MSI2: variants seen among roughly 807,000 people sequenced by gnomAD.
MSI2 encodes RNA-binding protein Musashi homolog 2.
Under a neutral mutation model 45.6 loss-of-function variants are expected in MSI2, and 17 were observed. That is an observed-to-expected ratio of 0.37 (90% CI 0.26 to 0.56). MSI2 has a LOEUF of 0.56. MSI2 is among the 20% of genes least tolerant of loss of function. MSI2 has a pLI of 0.77. For missense variants in MSI2, 293 were observed against 444.2 expected (o/e 0.66, Z 3.06); for synonymous variants, 156 against 158.2 (o/e 0.99, Z 0.11).
chr17:57,566,988 C>T (rs562741970), intron 7 of MSI2, among the ~76,000 whole-genome samples: 4 of 152,224 alleles, frequency 2.6e-5, no homozygotes, highest in Admixed American at 6.5e-5. Flanking sequence ...TCTTCCTATC[C>T]GTGCCCTGGA....
At chr17:57,434,339 A>G (rs2084653284) in intron 6 of MSI2, among the ~76,000 whole-genome samples, 2 of 152,192 alleles carry the variant, frequency 1.3e-5, no homozygotes, top group African/African-American at 4.8e-5. Context: ...AACTCAGGCA[A>G]TCTGCCCGCC....
chr17:57,691,961 G>C, the MSI2 span, among the ~76,000 whole-genome samples: 3 of 152,166 alleles, frequency 2.0e-5, no homozygotes, highest in African/African-American at 7.2e-5. Context: ...GATGTTAGCT[G>C]TAAGTTTTTT....
At position 57,503,980 on chromosome 17, in the gene MSI2, C is replaced by T. The variant is rs182768692; in HGVS notation, c.406-25696C>T. 3.4e-3 allele frequency among the ~76,000 whole-genome samples: 516 copies of T among 152,270 alleles called. 1 individual carries two copies. The highest frequency in any genetic ancestry group is 5.5e-3 in the Non-Finnish European group (374 of 68,008). On this transcript the variant is annotated intron_variant, in intron 6 of 13. Transcript: ENST00000284073. Reference sequence around the variant, plus strand: ...CGAACTCCTGACCTCATGATCTGCCCGCCTCAGCCTCCCAGAGTGCTGGGA... The same window carrying T: ...CGAACTCCTGACCTCATGATCTGCCTGCCTCAGCCTCCCAGAGTGCTGGGA...
chr17:57,604,781 C>T (rs983198275), intron 8 of MSI2, among the ~76,000 whole-genome samples: 6 of 152,082 alleles, frequency 3.9e-5, no homozygotes, highest in Admixed American at 6.5e-5. Flanking sequence ...CTCAGGGCTG[C>T]GGTGCTGTGA....
chr17:57,345,457 G>A (rs1253182482), intron 5 of MSI2, among the ~76,000 whole-genome samples: 1 of 152,122 alleles, frequency 6.6e-6, no homozygotes, highest in South Asian at 2.1e-4. Context: ...ACAGATATAT[G>A]TATATTTTCT....
downstream of MSI2, among the ~76,000 whole-genome samples, chr17:57,687,380 C>G (rs936846736): frequency 6.6e-6 from 1 of 151,754 alleles, no homozygotes; most frequent in Non-Finnish European, 1.5e-5. Flanking sequence ...TTTTTATAAA[C>G]AGTAATAAAA....
At chr17:57,386,780 A>G (rs1262626609) in intron 5 of MSI2, among the ~76,000 whole-genome samples, 2 of 152,222 alleles carry the variant, frequency 1.3e-5, no homozygotes, top group Non-Finnish European at 1.5e-5. Flanking sequence ...TGATTTGACT[A>G]TGAGTCCCTA....
At chr17:57,339,534 G>A (rs1340463803) in intron 5 of MSI2, among the ~76,000 whole-genome samples, 3 of 152,120 alleles carry the variant, frequency 2.0e-5, no homozygotes, top group Non-Finnish European at 2.9e-5. Flanking sequence ...CCCTGCTGTC[G>A]TGGATGATGG....
intron 6 of MSI2, among the ~76,000 whole-genome samples, chr17:57,451,669 G>C (rs2085021931): frequency 6.6e-6 from 1 of 152,208 alleles, no homozygotes; most frequent in Non-Finnish European, 1.5e-5. Flanking sequence ...AATTGCTCCA[G>C]TGCTTTGCTG....
intron 10 of MSI2, among the ~76,000 whole-genome samples, chr17:57,649,661 G>A (rs1445232045): frequency 2.0e-5 from 3 of 152,216 alleles, no homozygotes; most frequent in Non-Finnish European, 4.4e-5. Flanking sequence ...TGGGAACTCA[G>A]TATCAGGGGC....
intron 6 of MSI2, among the ~76,000 whole-genome samples, chr17:57,424,006 G>A (rs2077533152): frequency 6.6e-6 from 1 of 152,222 alleles, no homozygotes; most frequent in South Asian, 2.1e-4. Context: ...AGTTCATGCT[G>A]CAGCATTCAA....
At chr17:57,308,252 G>A (rs1466855626) in intron 5 of MSI2, among the ~76,000 whole-genome samples, 2 of 152,144 alleles carry the variant, frequency 1.3e-5, no homozygotes, top group African/African-American at 4.8e-5. Flanking sequence ...AGCTACTCCT[G>A]ATACCACCAC....
At chr17:57,585,654 G>C (rs2088325786) in intron 7 of MSI2, among the ~76,000 whole-genome samples, 1 of 152,206 alleles carries the variant, frequency 6.6e-6, no homozygotes, top group Non-Finnish European at 1.5e-5. Context: ...GAGAGAAGGT[G>C]ACAAATTTGA....
At chr17:57,494,489 A>G (rs2085937250) in intron 6 of MSI2, among the ~76,000 whole-genome samples, 1 of 152,170 alleles carries the variant, frequency 6.6e-6, no homozygotes, top group Non-Finnish European at 1.5e-5. Context: ...TTGTGGGGGT[A>G]ATAAGACCAA....
Position 57,596,246 on chromosome 17 carries a change from A to G in MSI2, c.455-622A>G, listed in dbSNP as rs1230432161. Among the ~76,000 whole-genome samples, 3 of 152,254 alleles carry G rather than the reference A, an allele frequency of 2.0e-5. No individual in the cohort carries two copies. The highest frequency in any genetic ancestry group is 7.2e-5 in the African/African-American group (3 of 41,466). On this transcript the variant is annotated intron_variant, in intron 7 of 13. Transcript: ENST00000284073. The surrounding 1 kb of genome is among the most constrained non-coding windows in gnomAD (Gnocchi z 4.6). Reference sequence around the variant, plus strand: ...AGCCGGTCTCCAGCAGAGTACATACAGTGGATAGCTGACGGGCTGACAGCA... The same window carrying G: ...AGCCGGTCTCCAGCAGAGTACATACGGTGGATAGCTGACGGGCTGACAGCA...
intron 6 of MSI2, among the ~76,000 whole-genome samples, chr17:57,503,326 A>AT (rs1054122134): frequency 6.6e-6 from 1 of 152,192 alleles, no homozygotes; most frequent in African/African-American, 2.4e-5. Context: ...CATGTGATTT[A>AT]TTTTTTTATT....
chr17:57,600,429 C>A (rs962028943), intron 8 of MSI2, among the ~76,000 whole-genome samples: 1 of 152,206 alleles, frequency 6.6e-6, no homozygotes, highest in African/African-American at 2.4e-5. Context: ...GGTTCAATCT[C>A]ATGTGCCTGG....
intron 7 of MSI2, among the ~76,000 whole-genome samples, chr17:57,582,299 C>T (rs1201476807): frequency 6.6e-6 from 1 of 152,070 alleles, no homozygotes; most frequent in Admixed American, 6.5e-5. Flanking sequence ...GCATGCCGCC[C>T]CCCAATATAT....
intron 5 of MSI2, among the ~76,000 whole-genome samples, chr17:57,317,793 G>T (rs1912979128): frequency 6.6e-6 from 1 of 152,128 alleles, no homozygotes; most frequent in Non-Finnish European, 1.5e-5. Context: ...TGTGTATTTG[G>T]GGTAGTGGTG....
Sources: allele counts gnomAD v4.1 joint callset (sites outside exome capture counted in the v4.1 genomes callset), GRCh38; gene constraint gnomAD v4.1.1; non-coding constraint Gnocchi (gnomAD v3.1); transcripts MANE v1.5; gene names NCBI Gene and HGNC (gene_info 2026-07-23, HGNC 2026-07-21).